Variants in TFAM observed in about 807,000 individuals in gnomAD.
The protein encoded by TFAM is transcription factor A, mitochondrial.
Under a neutral mutation model 30.6 loss-of-function variants are expected in TFAM, and 13 were observed. The ratio of observed to expected loss-of-function variants is 0.42; its 90% CI spans 0.28 to 0.67. The LOEUF (loss-of-function observed/expected upper bound fraction) is 0.67. TFAM is among the 30% of genes least tolerant of loss of function. The probability of loss-of-function intolerance (pLI) is 0.21; values close to 1 mark genes in which losing one functional copy is unlikely to be tolerated. For synonymous variants in TFAM, 106 were observed against 94.8 expected (o/e 1.12, Z -0.69); for missense variants, 231 against 293.7 (o/e 0.79, Z 1.56).
intron 4 of TFAM, among the ~76,000 whole-genome samples, chr10:58,390,204 G>T (rs911585828): frequency 2.0e-5 from 3 of 152,118 alleles, no homozygotes; most frequent in African/African-American, 7.2e-5. Context: ...GTATAATAAT[G>T]CAATATCACT....
chr10:58,392,064 C>T (rs1018988192), intron 5 of TFAM, among the ~76,000 whole-genome samples: 5 of 151,846 alleles, frequency 3.3e-5, no homozygotes, highest in Non-Finnish European at 7.4e-5. Flanking sequence ...CTGTTGCCTT[C>T]TAATCCTAGT....
intron 4 of TFAM, 130 bp downstream of exon 4, chr10:58,388,949 C>G: frequency 1.2e-6 from 1 of 823,910 alleles, no homozygotes; most frequent in Non-Finnish European, 1.9e-6. Flanking sequence ...TTCAGTTAGG[C>G]AGAAGTGGGA....
chr10:58,390,698 T>C (rs1840576392), intron 4 of TFAM, 67 bp from the exon 5 acceptor site: 2 of 1,175,580 alleles, frequency 1.7e-6, no homozygotes, highest in Admixed American at 1.7e-5. Flanking sequence ...GAATAAAGTT[T>C]CTGTAGGTAA....
At chr10:58,393,051 C>A (rs1840624655) in intron 5 of TFAM, among the ~76,000 whole-genome samples, 1 of 152,110 alleles carries the variant, frequency 6.6e-6, no homozygotes, top group African/African-American at 2.4e-5. Context: ...GTGATCTCGG[C>A]TCACTGCAAC....
chr10:58,389,489 T>C (rs1840552187), intron 4 of TFAM, among the ~76,000 whole-genome samples: 1 of 152,080 alleles, frequency 6.6e-6, no homozygotes, highest in African/African-American at 2.4e-5. Flanking sequence ...ATCATCAGAG[T>C]TAAAACTATT....
intron 3 of TFAM, 47 bp from the exon 4 acceptor site, chr10:58,388,623 A>G: frequency 1.2e-6 from 2 of 1,608,916 alleles, no homozygotes. Flanking sequence ...GCTATGTTGA[A>G]TTTGCCAGCA....
chr10:58,394,575 C>G (rs1589014898), intron 6 of TFAM, 161 bp downstream of exon 6: 1 of 795,450 alleles, frequency 1.3e-6, no homozygotes, highest in African/African-American at 1.7e-5. Flanking sequence ...GCATTTTTCT[C>G]TTGGTAGTTT....
intron 5 of TFAM, among the ~76,000 whole-genome samples, chr10:58,393,698 G>A (rs1270060771): frequency 6.6e-6 from 1 of 151,978 alleles, no homozygotes; most frequent in Non-Finnish European, 1.5e-5. Flanking sequence ...ACCAGCCCTG[G>A]GCAACGTGGT....
intron 3 of TFAM, among the ~76,000 whole-genome samples, 185 bp from the exon 4 acceptor site, chr10:58,388,485 C>T (rs981000070): frequency 6.6e-6 from 1 of 152,206 alleles, no homozygotes; most frequent in Non-Finnish European, 1.5e-5. Context: ...ACTAAACTCT[C>T]ACCTTGATTA....
At chr10:58,393,169 T>TG (rs1202365644) in intron 5 of TFAM, among the ~76,000 whole-genome samples, 2 of 151,248 alleles carry the variant, frequency 1.3e-5, no homozygotes, top group African/African-American at 2.4e-5. Flanking sequence ...TTAGTAGAGA[T>TG]GGGGTTTCAC....
At position 58,394,132 on chromosome 10, in the gene TFAM, G is replaced by T. The variant is rs1840640868; in HGVS notation, c.538-226G>T. Among the ~76,000 whole-genome samples the T allele has an allele frequency of 2.0e-5, 3 of 152,144 alleles. No individual in the cohort carries two copies. The East Asian group carries it at 5.8e-4, about 29-fold the overall frequency. Reference sequence around the variant, plus strand: ...TGAAGTTAGTTTATGACAACACATAGATTATACCTGAATATTAATATTTCC... The same window carrying T: ...TGAAGTTAGTTTATGACAACACATATATTATACCTGAATATTAATATTTCC... On this transcript the variant is annotated intron_variant, in intron 5 of 6. Transcript: ENST00000487519.
At position 58,394,969 on chromosome 10, in the gene TFAM, T is replaced by C. The variant is rs1840656254; in HGVS notation, c.636T>C (p.His212=). 6.2e-7 allele frequency: 1 copy of C among 1,613,800 alleles called. No homozygotes were observed. Residue 212 remains histidine (H), a synonymous_variant, in exon 7 of 7, where the codon CAT becomes CAC. Transcript: ENST00000487519. ...CTAAAGAGGACGAAACTCGTTATCATAATGAAATGAAGTCTTGGGAAGAAC... is the reference window on the plus strand; with the variant it reads ...CTAAAGAGGACGAAACTCGTTATCACAATGAAATGAAGTCTTGGGAAGAAC... ...QHAKEDETRY[H]NEMKSWEEQM...
chr10:58,389,261 TTATC>T (rs541446429), intron 4 of TFAM, among the ~76,000 whole-genome samples: 235 of 152,314 alleles, frequency 1.5e-3, no homozygotes, highest in African/African-American at 5.3e-3. Context: ...AAATGCCAAT[TTATC>T]TAATCAATTA....
rs1217204100 is a variant in TFAM at position 58,397,118 on chromosome 10, A to G, written c.*2044A>G. On this transcript the variant is annotated 3_prime_UTR_variant, in exon 7 of 7. Transcript: ENST00000487519. ...CTAATTATGTACAGTCCCTAGGAGA[A>G]TGGAGAAAATCATAACTCAAATCAT... The G allele has an allele frequency of 6.6e-6, 1 of 152,198 alleles. No individual in the cohort carries two copies. The highest frequency in any genetic ancestry group is 1.5e-5 in the Non-Finnish European group (1 of 68,042). The allele number at this position is 152,198 out of a possible 1,614,324, so 9.4% of individuals were successfully genotyped here.
chr10:58,390,790 A>G lies in TFAM; in HGVS notation c.467A>G (p.Lys156Arg). 6.2e-7 allele frequency: 1 copy of G among 1,613,064 alleles called. No individual in the cohort carries two copies. The highest frequency in any genetic ancestry group is 8.5e-7 in the Non-Finnish European group (1 of 1,179,742). Residue 156 changes from lysine (K) to arginine (R), a missense_variant, in exon 5 of 7, where the codon AAA becomes AGA. Physicochemically the swap from Lys to Arg is conservative, Grantham distance 26. Transcript: ENST00000487519. Reference protein sequence around the residue: ...KKELTLLGKPKRPRSAYNVYV... With the variant: ...KKELTLLGKPRRPRSAYNVYV... ...GAGTTAACACTGCTTGGAAAACCAA[A>G]AAGACCTCGTTCAGCTTATAACGTT...
chr10:58,396,058 G>GT lies in TFAM; in HGVS notation c.*993dup, dbSNP rs202084431. 9.1e-4 allele frequency: 142 copies of GT among 155,242 alleles called. 1 individual carries two copies. The highest frequency in any genetic ancestry group is 3.2e-3 in the Middle Eastern group (1 of 316). The allele number at this position is 155,242 out of a possible 1,614,324, so 9.6% of individuals were successfully genotyped here. On this transcript the variant is annotated 3_prime_UTR_variant, in exon 7 of 7. Coordinates refer to ENST00000487519, the MANE Select transcript of TFAM (RefSeq NM_003201.3). ...AGGAATTGTGTTTATAATTTTAAAT[G>GT]TTTTTTTTTAAAGACTTTTATGATA...
Position 58,395,669 on chromosome 10 carries a change from C to T in TFAM, c.*595C>T. ...TACTGTCTTTTTTCTAAAGTAAAAA[C>T]AAAGAAATTATGTGCCAGATTTATG... On this transcript the variant is annotated 3_prime_UTR_variant, in exon 7 of 7. Coordinates refer to ENST00000487519, the MANE Select transcript of TFAM (RefSeq NM_003201.3). 3.5e-6 allele frequency: 1 copy of T among 288,966 alleles called. No individual in the cohort carries two copies. The allele number at this position is 288,966 out of a possible 1,614,324, so 17.9% of individuals were successfully genotyped here. A position where few individuals can be genotyped will look rare whatever the true frequency, so the allele number is the denominator to read the frequency against.
intron 1 of TFAM, among the ~76,000 whole-genome samples, 166 bp from the exon 2 acceptor site, chr10:58,386,054 C>A (rs1040392246): frequency 6.6e-6 from 1 of 151,122 alleles, no homozygotes; most frequent in South Asian, 2.1e-4. Flanking sequence ...GCAGACGCTC[C>A]CCTCCGTTTA....
Position 58,388,874 on chromosome 10 carries a change from CTA to C in TFAM, c.441+57_441+58del, listed in dbSNP as rs1320218025. On this transcript the variant is annotated intron_variant, in intron 4 of 6. Transcript: ENST00000487519. ...TGGTAAAGAATTGAGATTTATATAA[CTA>C]TGAATATAGGTAGTTTTCTCTTAAT... is the stretch of plus-strand genomic sequence containing the variant. 17 of 1,455,964 alleles carry C rather than the reference CTA, an allele frequency of 1.2e-5. No individual in the cohort carries two copies. The African/African-American group carries it at 1.3e-4, about 11-fold the overall frequency. 90.2% of individuals were successfully genotyped at this position (1,455,964 alleles called of 1,614,324 possible).
Sources: gnomAD v4.1 joint callset for allele counts (sites outside exome capture counted in the v4.1 genomes callset) on GRCh38, gnomAD v4.1.1 for gene constraint, MANE v1.5 for transcripts, NCBI Gene and HGNC (gene_info 2026-07-23, HGNC 2026-07-21) for gene names.